Variants in ANKFN1 observed in about 807,000 individuals in gnomAD.
ANKFN1 encodes the protein ankyrin repeat and fibronectin type-III domain-containing protein 1.
ANKFN1 carries 74 observed loss-of-function variants against 108.7 expected under a neutral mutation model. The observed-to-expected ratio is 0.68, with a 90% CI of 0.56 to 0.83. The LOEUF (loss-of-function observed/expected upper bound fraction) is 0.83, where lower values mean the gene tolerates loss of function less well. Ranked by LOEUF, ANKFN1 falls within the 40% of genes least tolerant of loss-of-function variation. The probability of loss-of-function intolerance (pLI) is 0.00; values close to 1 mark genes in which losing one functional copy is unlikely to be tolerated. For missense variants in ANKFN1, 1,505 were observed against 1,382.3 expected (o/e 1.09, Z -1.41); for synonymous variants, 547 against 516.2 (o/e 1.06, Z -0.81).
At chr17:56,050,837 C>T (rs529810660) in intron 4 of ANKFN1, among the ~76,000 whole-genome samples, 6 of 151,820 alleles carry the variant, frequency 4.0e-5, no homozygotes, top group African/African-American at 7.3e-5. Context: ...ATAAATTCCT[C>T]GACACATACA....
intron 4 of ANKFN1, 21 bp from the exon 5 acceptor site, chr17:56,350,745 A>C: frequency 6.2e-7 from 1 of 1,606,124 alleles, no homozygotes; most frequent in Non-Finnish European, 8.5e-7. Context: ...AAGATATAAC[A>C]TCGGACTTTC....
intron 1 of ANKFN1, among the ~76,000 whole-genome samples, chr17:56,162,419 T>G (rs1185951529): frequency 1.3e-5 from 2 of 152,202 alleles, no homozygotes; most frequent in Non-Finnish European, 2.9e-5. Context: ...TAAGCTCTTC[T>G]TCTGGCTTAT....
At chr17:56,490,453 G>A (rs16957312) in intron 18 of ANKFN1, among the ~76,000 whole-genome samples, 12,723 of 152,182 alleles carry the variant, frequency 0.084, 1,311 homozygotes, top group African/African-American at 0.25. Context: ...CTTGACCAAA[G>A]CTTAGGGTTG....
intron 5 of ANKFN1, among the ~76,000 whole-genome samples, chr17:56,351,887 C>T (rs2046257090): frequency 6.6e-6 from 1 of 152,078 alleles, no homozygotes; most frequent in Non-Finnish European, 1.5e-5. Flanking sequence ...GAAATGAGTC[C>T]TAGCCTTTCC....
intron 4 of ANKFN1, among the ~76,000 whole-genome samples, chr17:56,099,327 A>G (rs999052433): frequency 2.0e-5 from 3 of 152,216 alleles, no homozygotes; most frequent in Non-Finnish European, 4.4e-5. Context: ...CATGTAACAT[A>G]TCTGAAAAAT....
intron 16 of ANKFN1, among the ~76,000 whole-genome samples, chr17:56,478,632 G>A (rs2050591567): frequency 1.3e-5 from 2 of 151,728 alleles, no homozygotes; most frequent in South Asian, 4.2e-4. Flanking sequence ...CTCATAGCAG[G>A]CCTCTGAAAG....
At chr17:56,293,974 C>T (rs2044439223) in intron 3 of ANKFN1, among the ~76,000 whole-genome samples, 1 of 152,126 alleles carries the variant, frequency 6.6e-6, no homozygotes, top group Non-Finnish European at 1.5e-5. Context: ...GGTTTAGCCA[C>T]CTGGCAGATT....
intron 1 of ANKFN1, chr17:56,174,268 GAC>G (rs1910929595): frequency 2.0e-6 from 2 of 985,584 alleles, no homozygotes; most frequent in African/African-American, 3.5e-5. Flanking sequence ...GCCCTCCAGA[GAC>G]ACTCTTCACT....
At chr17:56,209,196 TG>T (rs1344234879) in intron 1 of ANKFN1, among the ~76,000 whole-genome samples, 1 of 152,222 alleles carries the variant, frequency 6.6e-6, no homozygotes, top group Non-Finnish European at 1.5e-5. Flanking sequence ...GATCAAAGCC[TG>T]TGGTTTAAAC....
At chr17:56,096,786 C>A (rs1905542896) in intron 4 of ANKFN1, among the ~76,000 whole-genome samples, 1 of 152,176 alleles carries the variant, frequency 6.6e-6, no homozygotes, top group South Asian at 2.1e-4. Flanking sequence ...GAATATAAAT[C>A]ATTCTACCGT....
intron 1 of ANKFN1, among the ~76,000 whole-genome samples, chr17:56,188,539 A>G: frequency 1.1e-5 from 1 of 92,996 alleles, no homozygotes; most frequent in African/African-American, 5.8e-5. Flanking sequence ...ATAAAATAAG[A>G]TGTATATGTG....
At chr17:56,386,821 T>C (rs1487504020) in intron 8 of ANKFN1, among the ~76,000 whole-genome samples, 1 of 152,174 alleles carries the variant, frequency 6.6e-6, no homozygotes, top group South Asian at 2.1e-4. Context: ...TGGATATCCT[T>C]TATCGGATTT....
chr17:56,078,557 G>A (rs1905208101), intron 4 of ANKFN1, among the ~76,000 whole-genome samples: 1 of 152,148 alleles, frequency 6.6e-6, no homozygotes. Flanking sequence ...TATAACTGTT[G>A]TTTGTGCATG....
intron 19 of ANKFN1, among the ~76,000 whole-genome samples, chr17:56,497,638 ACAAT>A (rs1485836198): frequency 1.3e-5 from 2 of 152,206 alleles, no homozygotes; most frequent in Non-Finnish European, 2.9e-5. Context: ...TAAAACTTCC[ACAAT>A]CAGAGAGAGA....
chr17:56,061,007 G>A (rs1385878969), intron 4 of ANKFN1, among the ~76,000 whole-genome samples: 1 of 152,128 alleles, frequency 6.6e-6, no homozygotes, highest in Non-Finnish European at 1.5e-5. Context: ...CAGAAGGAAT[G>A]GTACCAGCTC....
intron 4 of ANKFN1, among the ~76,000 whole-genome samples, chr17:56,084,972 G>A (rs1284380154): frequency 2.0e-5 from 3 of 150,720 alleles, no homozygotes; most frequent in Non-Finnish European, 3.0e-5. Context: ...TCTGGGCTCA[G>A]TTCAAGATTT....
At chr17:56,213,375 T>C (rs1028156651) in intron 2 of ANKFN1, among the ~76,000 whole-genome samples, 1 of 152,080 alleles carries the variant, frequency 6.6e-6, no homozygotes, top group African/African-American at 2.4e-5. Flanking sequence ...TATAGAAACA[T>C]GGCCCACGCT....
chr17:56,141,330 G>A (rs961203424), intron 4 of ANKFN1, among the ~76,000 whole-genome samples: 9 of 152,314 alleles, frequency 5.9e-5, no homozygotes, highest in African/African-American at 1.9e-4. Flanking sequence ...GAATACCATA[G>A]GGCCTTTAAG....
At chr17:56,174,064 T>C in intron 1 of ANKFN1, 1 of 544,740 alleles carries the variant, frequency 1.8e-6, no homozygotes, top group Non-Finnish European at 2.3e-6. Flanking sequence ...CTGTACTTGC[T>C]GTGCTATCAG....
Sources: allele counts gnomAD v4.1 joint callset (sites outside exome capture counted in the v4.1 genomes callset), GRCh38; gene constraint gnomAD v4.1.1; transcripts MANE v1.5; gene names NCBI Gene and HGNC (gene_info 2026-07-23, HGNC 2026-07-21).